The following THYN1 variants were observed in gnomAD, a reference collection of about 807,000 sequenced individuals.
THYN1 encodes thymocyte protein thy28.
In THYN1, 32 loss-of-function variants were observed where a neutral mutation model predicts 30.6. The observed-to-expected ratio is 1.05, with a 90% confidence interval of 0.79 to 1.40. THYN1 has a LOEUF of 1.40. THYN1 is among the 40% of genes most tolerant of loss of function. The probability of loss-of-function intolerance (pLI) is 0.00; values close to 1 mark genes in which losing one functional copy is unlikely to be tolerated. For synonymous variants in THYN1, 107 were observed against 90.8 expected (o/e 1.18, Z -1.01); for missense variants, 259 against 272.6 (o/e 0.95, Z 0.35).
rs1158170436 is a variant in THYN1, at chr11:134,253,147, CT to C, written c.-266del. 3 of 1,350,088 alleles carry C rather than the reference CT, an allele frequency of 2.2e-6. No individual in the cohort carries two copies. Among genetic ancestry groups the C allele is most frequent in the African/African-American group, 1.5e-5 (1 of 66,234 alleles). 83.6% of individuals were successfully genotyped at this position (1,350,088 alleles called of 1,614,324 possible). On this transcript the variant is annotated 5_prime_UTR_variant, in exon 1 of 7. In the 5' UTR this introduces an upstream ATG that the reference lacks. Transcript: ENST00000341541. ...CTTGGTCCTTCTCATCCAGGAACCC[CT>C]ATCTCAGTATGTAGTTCACTGGGAA...
At position 134,249,916 on chromosome 11, in the gene THYN1, C is replaced by T. The variant is rs372232379; in HGVS notation, c.296G>A (p.Arg99Gln). The T allele has an allele frequency of 2.8e-4, 459 of 1,613,008 alleles. No individual in the cohort carries two copies. Among genetic ancestry groups the T allele is most frequent in the Non-Finnish European group, 3.6e-4 (428 of 1,179,550 alleles). The change falls in exon 4 of 7, where the codon CGG becomes CAG. Residue 99 changes from arginine (R) to glutamine (Q), a missense_variant. Transcript: ENST00000341541. ...CWDGVRNYQARNFLRAMKLGE... is the reference protein window; with the variant it reads ...CWDGVRNYQAQNFLRAMKLGE... ...CAGCTTCATGGCTCTAAGGAAGTTC[C>T]GAGCCTGTCCCGGGAGAAGAAAGAG...
In THYN1 at chr11:134,248,454, T is replaced by TA; in HGVS notation, c.661_662insT (p.Glu221ValfsTer58). ...GTATCTCAGTTAACTTGGTTCCTTT[T>TA]CCTCCAGGCTCAAAACAAAATCAAA... is the stretch of plus-strand genomic sequence containing the variant. On this transcript the variant is annotated frameshift_variant, in exon 7 of 7. Coordinates refer to ENST00000341541, the MANE Select transcript of THYN1 (RefSeq NM_014174.3). LOFTEE classifies it high-confidence loss of function. 6.2e-7 allele frequency: 1 copy of TA among 1,613,650 alleles called. No homozygotes were observed. Among genetic ancestry groups the TA allele is most frequent in the Non-Finnish European group, 8.5e-7 (1 of 1,179,958 alleles).
intron 1 of THYN1, 70 bp from the exon 2 acceptor site, chr11:134,251,378 A>G: frequency 6.6e-7 from 1 of 1,517,054 alleles, no homozygotes. Context: ...GAAAAAGCTT[A>G]GCTTTGGAGT....
At position 134,248,490 on chromosome 11, in the gene THYN1, A is replaced by G. The variant is rs1041973104; in HGVS notation, c.632-6T>C. The G allele has an allele frequency of 3.8e-6, 6 of 1,592,572 alleles. No individual in the cohort carries two copies. In the South Asian group the frequency reaches 4.5e-5, roughly 12 times the overall value. On this transcript the variant is annotated splice_polypyrimidine_tract_variant and splice_region_variant and intron_variant, in intron 6 of 6. Coordinates refer to ENST00000341541, the MANE Select transcript of THYN1 (RefSeq NM_014174.3). ...CAAAACAAAATCAAACTCTTCTACA[A>G]AAAAAAAAGGGAAAAAGGAAGGATT...
chr11:134,248,878 T>C lies in THYN1; in HGVS notation c.562A>G (p.Thr188Ala), dbSNP rs768450231. 9 of 1,614,112 alleles carry C rather than the reference T, an allele frequency of 5.6e-6. No homozygotes were observed. The African/African-American group carries it at 6.7e-5, about 12-fold the overall frequency. Residue 188 changes from threonine to alanine, a missense_variant, in exon 6 of 7, where the codon ACT becomes GCT. By Grantham distance (58) the Thr-to-Ala change is moderately conservative (BLOSUM62 0). Coordinates refer to ENST00000341541, the MANE Select transcript of THYN1 (RefSeq NM_014174.3). ...ACCATATTTTTTAAGGGGCCACCAG[T>C]AGCTTTGTGAGCTTGATGATAGGAT... ...LKSYHQAHKATGGPLKNMVLF... is the reference protein window; with the variant it reads ...LKSYHQAHKAAGGPLKNMVLF...
At chr11:134,250,369 C>CTAA in intron 2 of THYN1, 26 bp from the exon 3 acceptor site, 1 of 1,613,736 alleles carries the variant, frequency 6.2e-7, no homozygotes, top group South Asian at 1.1e-5. Flanking sequence ...TAAATTCAAT[C>CTAA]ATTAAACAAT....
At chr11:134,251,540 CA>C in intron 1 of THYN1, 1 of 472,358 alleles carries the variant, frequency 2.1e-6, no homozygotes, top group Non-Finnish European at 3.7e-6. Context: ...GAACACCTTA[CA>C]GGGTTGTTCA....
intron 5 of THYN1, 57 bp downstream of exon 5, chr11:134,249,110 G>A (rs921538393): frequency 3.4e-5 from 54 of 1,573,102 alleles, no homozygotes; most frequent in Middle Eastern, 1.7e-4. Flanking sequence ...CACCCCAACC[G>A]TCTTCTTCCC....
Position 134,253,331 on chromosome 11 carries a change from TCCGCTGCGCCGCAGGCTGTG to T in THYN1, c.-469_-450del. 7.1e-7 allele frequency: 1 copy of T among 1,404,244 alleles called. No homozygotes were observed. Among genetic ancestry groups the T allele is most frequent in the East Asian group, 2.7e-5 (1 of 37,314 alleles). The allele number at this position is 1,404,244 out of a possible 1,614,324, so 87.0% of individuals were successfully genotyped here. ...TCTGCAGACTCGACTGCGGTCCGCC[TCCGCTGCGCCGCAGGCTGTG>T]CAGCGCGACCCCCGCGGCGCTTGGT... On this transcript the variant is annotated 5_prime_UTR_variant, in exon 1 of 7. Transcript: ENST00000341541.
chr11:134,251,606 T>A (rs976690675), intron 1 of THYN1: 3 of 290,840 alleles, frequency 1.0e-5, no homozygotes, highest in Non-Finnish European at 1.9e-5. Flanking sequence ...CACTCTCTCT[T>A]CTATGCCTTT....
Position 134,253,148 on chromosome 11 carries a change from T to C in THYN1, c.-266A>G, listed in dbSNP as rs2136066766. The C allele has an allele frequency of 2.2e-6, 3 of 1,349,668 alleles. No individual in the cohort carries two copies. Among genetic ancestry groups the C allele is most frequent in the Non-Finnish European group, 2.8e-6 (3 of 1,055,696 alleles). 83.6% of individuals were successfully genotyped at this position (1,349,668 alleles called of 1,614,324 possible). ...TTGGTCCTTCTCATCCAGGAACCCCTATCTCAGTATGTAGTTCACTGGGAA... is the reference window on the plus strand; with the variant it reads ...TTGGTCCTTCTCATCCAGGAACCCCCATCTCAGTATGTAGTTCACTGGGAA... On this transcript the variant is annotated 5_prime_UTR_variant, in exon 1 of 7. The change creates a new upstream start codon in the 5' untranslated region. Transcript: ENST00000341541.
rs1939213054 is a variant in THYN1 at position 134,253,251 on chromosome 11, C to T, written c.-369G>A. 3.8e-6 allele frequency: 5 copies of T among 1,330,848 alleles called. No individual in the cohort carries two copies. The South Asian group carries it at 8.7e-5, about 23-fold the overall frequency. The allele number at this position is 1,330,848 out of a possible 1,614,324, so 82.4% of individuals were successfully genotyped here. On this transcript the variant is annotated 5_prime_UTR_variant, in exon 1 of 7. Transcript: ENST00000341541. ...CCTTGTTATCCTTGCTAATTAGGAT[C>T]AACTGAATGGATAATCTAGATGATG...
In THYN1 at chr11:134,253,163, T is replaced by G; in HGVS notation, c.-281A>C. On this transcript the variant is annotated 5_prime_UTR_variant, in exon 1 of 7. Coordinates refer to ENST00000341541, the MANE Select transcript of THYN1 (RefSeq NM_014174.3). The stretch of plus-strand genomic sequence containing the variant: ...CAGGAACCCCTATCTCAGTATGTAG[T>G]TCACTGGGAAGTGGCTCCACAGAGA... 7.4e-7 allele frequency: 1 copy of G among 1,348,438 alleles called. No homozygotes were observed. Among genetic ancestry groups the G allele is most frequent in the African/African-American group, 1.5e-5 (1 of 66,372 alleles). The allele number at this position is 1,348,438 out of a possible 1,614,324, so 83.5% of individuals were successfully genotyped here.
chr11:134,249,139 G>T, intron 5 of THYN1, 28 bp downstream of exon 5: 1 of 1,598,250 alleles, frequency 6.3e-7, no homozygotes, highest in Non-Finnish European at 8.5e-7. Context: ...TCCTTCCCCT[G>T]TCATGAAATA....
Position 134,248,311 on chromosome 11 carries a change from A to T in THYN1, c.*127T>A. ...ACTTTGATATTTTATTGAAAAAAGTACACAAAAACCACTGAGGTACACAAG... is the reference window on the plus strand; with the variant it reads ...ACTTTGATATTTTATTGAAAAAAGTTCACAAAAACCACTGAGGTACACAAG... On this transcript the variant is annotated 3_prime_UTR_variant, in exon 7 of 7. Transcript: ENST00000341541. 1 of 1,083,282 alleles carries T rather than the reference A, an allele frequency of 9.2e-7. No homozygotes were observed. The highest frequency in any genetic ancestry group is 1.4e-6 in the Non-Finnish European group (1 of 695,862). The allele number at this position is 1,083,282 out of a possible 1,614,324, so 67.1% of individuals were successfully genotyped here.
At chr11:134,250,685 T>C (rs1350801675) in intron 2 of THYN1, among the ~76,000 whole-genome samples, 1 of 152,212 alleles carries the variant, frequency 6.6e-6, no homozygotes, top group Non-Finnish European at 1.5e-5. Context: ...CATCAACTGT[T>C]GGCAGGGAGA....
rs1591493151 is a variant in THYN1, at chr11:134,251,236, T to G, written c.116A>C (p.Asn39Thr). ...TTTAGTGGCTGAAGTCTTCTGAGGG[T>G]TGGAGTCCTCCACTTTAGCTAATGC... is the stretch of plus-strand genomic sequence containing the variant. Reference protein sequence around the residue: ...GEALAKVEDSNPQKTSATKNC... With the variant: ...GEALAKVEDSTPQKTSATKNC... The change falls in exon 2 of 7, where the codon AAC becomes ACC. Residue 39 changes from asparagine to threonine, a missense_variant. Coordinates refer to ENST00000341541, the MANE Select transcript of THYN1 (RefSeq NM_014174.3). 1 of 1,614,226 alleles carries G rather than the reference T, an allele frequency of 6.2e-7. No individual in the cohort carries two copies. Among genetic ancestry groups the G allele is most frequent in the Non-Finnish European group, 8.5e-7 (1 of 1,180,042 alleles).
Position 134,253,191 on chromosome 11 carries a change from C to T in THYN1, c.-309G>A. The T allele has an allele frequency of 1.5e-6, 2 of 1,331,006 alleles. No homozygotes were observed. Among genetic ancestry groups the T allele is most frequent in the Admixed American group, 3.7e-5 (1 of 27,040 alleles). The allele number at this position is 1,331,006 out of a possible 1,614,324, so 82.4% of individuals were successfully genotyped here. A position where few individuals can be genotyped will look rare whatever the true frequency, so the allele number is the denominator to read the frequency against. On this transcript the variant is annotated 5_prime_UTR_variant, in exon 1 of 7. The change creates a new upstream start codon in the 5' untranslated region. Coordinates refer to ENST00000341541, the MANE Select transcript of THYN1 (RefSeq NM_014174.3). ...ACTGGGAAGTGGCTCCACAGAGACACTTTTGTTGGGTGAATATAAGTAAGC... is the reference window on the plus strand; with the variant it reads ...ACTGGGAAGTGGCTCCACAGAGACATTTTTGTTGGGTGAATATAAGTAAGC...
In THYN1 at chr11:134,250,158, T is replaced by C. The variant is rs1367026488; in HGVS notation, c.291+117A>G. 1.2e-5 allele frequency: 14 copies of C among 1,177,196 alleles called. No individual in the cohort carries two copies. In the African/African-American group the frequency reaches 2.0e-4, roughly 17 times the overall value. 72.9% of individuals were successfully genotyped at this position (1,177,196 alleles called of 1,614,324 possible). A position where few individuals can be genotyped will look rare whatever the true frequency, so the allele number is the denominator to read the frequency against. On this transcript the variant is annotated intron_variant, in intron 3 of 6. Coordinates refer to ENST00000341541, the MANE Select transcript of THYN1 (RefSeq NM_014174.3). Reference sequence around the variant, plus strand: ...AGGCATTTTTTAATACATTATCAGGTTTGCTTCTGAGAAAAAGCAACCTTG... The same window carrying C: ...AGGCATTTTTTAATACATTATCAGGCTTGCTTCTGAGAAAAAGCAACCTTG...
Sources: allele counts gnomAD v4.1 joint callset (sites outside exome capture counted in the v4.1 genomes callset), GRCh38; gene constraint gnomAD v4.1.1; transcripts MANE v1.5; gene names NCBI Gene and HGNC (gene_info 2026-07-23, HGNC 2026-07-21).